Variants in THSD4 observed in about 807,000 individuals in gnomAD.
The protein encoded by THSD4 is thrombospondin type-1 domain-containing protein 4.
Under a neutral mutation model 119.0 loss-of-function variants are expected in THSD4, and 69 were observed. The ratio of observed to expected loss-of-function variants is 0.58; its 90% CI spans 0.48 to 0.71. THSD4 has a LOEUF of 0.71. Ranked by LOEUF, THSD4 falls within the 30% of genes least tolerant of loss-of-function variation. The pLI, the probability that THSD4 is intolerant of heterozygous loss-of-function variation, is 0.00. For synonymous variants in THSD4, 524 were observed against 540.4 expected, an observed-to-expected ratio of 0.97 and a Z score of 0.42; for missense variants, 1,393 against 1,391.1, an observed-to-expected ratio of 1.00 and a Z score of -0.02.
At chr15:71,197,102 G>A (rs2043726489) in intron 3 of THSD4, among the ~76,000 whole-genome samples, 1 of 152,304 alleles carries the variant, frequency 6.6e-6, no homozygotes, top group Middle Eastern at 3.4e-3. Flanking sequence ...GACCTGGGTC[G>A]CAACGTGCCC....
Position 71,776,715 on chromosome 15 carries a change from A to C in THSD4, c.2915-517A>C, listed in dbSNP as rs531812446. Among the ~76,000 whole-genome samples, 5 of 152,346 alleles carry C rather than the reference A, an allele frequency of 3.3e-5. No individual in the cohort carries two copies. The South Asian group carries it at 1.0e-3, about 32-fold the overall frequency. On this transcript the variant is annotated intron_variant, in intron 17 of 17. Coordinates refer to ENST00000261862, the MANE Select transcript of THSD4 (RefSeq NM_024817.3). The stretch of plus-strand genomic sequence containing the variant: ...AAAAAAAAAATTGGATTAATGTCCA[A>C]CTTAAATGTCCATCAATAGAAAATG...
At chr15:71,575,587 T>C (rs777046570) in intron 7 of THSD4, among the ~76,000 whole-genome samples, 1 of 152,188 alleles carries the variant, frequency 6.6e-6, no homozygotes, top group Non-Finnish European at 1.5e-5. Flanking sequence ...AAGTCCTACA[T>C]TGAGCCAAAA....
chr15:71,497,786 A>G (rs796295498), intron 7 of THSD4, among the ~76,000 whole-genome samples: 125 of 152,292 alleles, frequency 8.2e-4, no homozygotes, highest in African/African-American at 2.6e-3. Context: ...TAAAGTTTTC[A>G]GTCATTGAAT....
At chr15:71,688,705 C>CTG (rs1445931183) in intron 8 of THSD4, among the ~76,000 whole-genome samples, 10 of 86,148 alleles carry the variant, frequency 1.2e-4, no homozygotes, top group South Asian at 4.4e-4. Flanking sequence ...TGTTTTGTAT[C>CTG]TCTGTGTGTG....
chr15:71,298,368 G>A (rs1304380416), intron 6 of THSD4, among the ~76,000 whole-genome samples: 3 of 152,130 alleles, frequency 2.0e-5, no homozygotes, highest in African/African-American at 7.2e-5. Context: ...ATCAGGAAAT[G>A]TAAGTCTTCC....
At chr15:71,735,996 C>A (rs1301557892) in intron 10 of THSD4, among the ~76,000 whole-genome samples, 1 of 150,028 alleles carries the variant, frequency 6.7e-6, no homozygotes, top group Non-Finnish European at 1.5e-5. Flanking sequence ...CTGTCCCTCT[C>A]TGTCTCTCTT....
chr15:71,519,084 G>A (rs889047523), intron 7 of THSD4, among the ~76,000 whole-genome samples: 23 of 152,330 alleles, frequency 1.5e-4, no homozygotes, highest in African/African-American at 5.5e-4. Context: ...GGAGCTCTCA[G>A]AAGGATTTTC....
intron 7 of THSD4, among the ~76,000 whole-genome samples, chr15:71,576,336 G>T (rs905950659): frequency 6.6e-6 from 1 of 152,112 alleles, no homozygotes; most frequent in African/African-American, 2.4e-5. Flanking sequence ...TAAAAACCAT[G>T]TTTGTTTGTT....
At chr15:71,542,625 C>T (rs2048774501) in intron 7 of THSD4, among the ~76,000 whole-genome samples, 1 of 152,068 alleles carries the variant, frequency 6.6e-6, no homozygotes, top group African/African-American at 2.4e-5. Context: ...CGCCTGTAAT[C>T]CCAGCACTTT....
chr15:71,705,455 C>T (rs1229292248), intron 8 of THSD4, among the ~76,000 whole-genome samples: 1 of 152,180 alleles, frequency 6.6e-6, no homozygotes, highest in Non-Finnish European at 1.5e-5. Context: ...CCTCTAACCC[C>T]GAGCAGCTTA....
chr15:71,489,516 T>G (rs2047879835), intron 7 of THSD4, among the ~76,000 whole-genome samples: 1 of 152,184 alleles, frequency 6.6e-6, no homozygotes, highest in Non-Finnish European at 1.5e-5. Context: ...GGATATGCCT[T>G]AGTCCCTCAG....
intron 7 of THSD4, among the ~76,000 whole-genome samples, chr15:71,427,241 A>ACACTGGGCAAGGCACTGGGCAAGG (rs11274760): frequency 0.42 from 62,315 of 149,508 alleles, 13,904 homozygotes; most frequent in Middle Eastern, 0.59. Flanking sequence ...TCACTGCCAT[A>ACACTGGGCAAGGCACTGGGCAAGG]CACTGGGCAA....
intron 6 of THSD4, among the ~76,000 whole-genome samples, chr15:71,326,700 A>AAAATATATATATATATATATATATAT (rs1555464320): frequency 1.6e-4 from 1 of 6,442 alleles, no homozygotes; most frequent in Non-Finnish European, 3.6e-4. Flanking sequence ...AAAAAAAAAA[A>AAAATATATATATATATATATATATAT]ATATATATAT....
chr15:71,301,893 A>T (rs1195074082), intron 6 of THSD4, among the ~76,000 whole-genome samples: 1 of 152,112 alleles, frequency 6.6e-6, no homozygotes, highest in Non-Finnish European at 1.5e-5. Context: ...ATGATGTTAG[A>T]TGGGATGCCT....
chr15:71,116,248 GT>G (rs1440726111), intron 1 of THSD4, among the ~76,000 whole-genome samples: 1 of 152,266 alleles, frequency 6.6e-6, no homozygotes, highest in Non-Finnish European at 1.5e-5. Context: ...TGGAGCCCGA[GT>G]GGATGGGTTG....
chr15:71,518,359 T>A (rs2048391087), intron 7 of THSD4, among the ~76,000 whole-genome samples: 1 of 152,150 alleles, frequency 6.6e-6, no homozygotes, highest in African/African-American at 2.4e-5. Flanking sequence ...AGGAAAATGA[T>A]GTGATGATCT....
intron 1 of THSD4, among the ~76,000 whole-genome samples, chr15:71,133,727 C>T (rs192233287): frequency 6.6e-6 from 1 of 152,182 alleles, no homozygotes; most frequent in Non-Finnish European, 1.5e-5. Context: ...TATACAGAAG[C>T]AGGAACAAAT....
At chr15:71,199,655 TGTGTGATGCATGTGTGGAG>T (rs2043762541) in intron 3 of THSD4, among the ~76,000 whole-genome samples, 1 of 145,356 alleles carries the variant, frequency 6.9e-6, no homozygotes, top group Non-Finnish European at 1.5e-5. Flanking sequence ...GTGGTGTGTG[TGTGTGATGCATGTGTGGAG>T]GGTGTGTGTG....
chr15:71,758,145 C>A, intron 15 of THSD4, 70 bp downstream of exon 15: 1 of 1,468,302 alleles, frequency 6.8e-7, no homozygotes, highest in Non-Finnish European at 9.1e-7. Flanking sequence ...GGTTAGGAAC[C>A]AGGACTTTGT....
Sources: gnomAD v4.1 joint callset for allele counts (sites outside exome capture counted in the v4.1 genomes callset) on GRCh38, gnomAD v4.1.1 for gene constraint, MANE v1.5 for transcripts, NCBI Gene and HGNC (gene_info 2026-07-23, HGNC 2026-07-21) for gene names.